Variants in GREB1L observed in about 807,000 individuals in gnomAD.
GREB1L encodes GREB1-like protein.
In GREB1L, 17 loss-of-function variants were observed where a neutral mutation model predicts 200.8. That is an observed-to-expected ratio of 0.08 (90% CI 0.06 to 0.13). GREB1L has a LOEUF of 0.13. Ranked by LOEUF, GREB1L falls within the 10% of genes least tolerant of loss-of-function variation. The pLI is 1.00. For synonymous variants in GREB1L, 789 were observed against 893.0 expected, an observed-to-expected ratio of 0.88 and a Z score of 2.08; for missense variants, 1,657 against 2,367.7, an observed-to-expected ratio of 0.70 and a Z score of 6.23.
chr18:21,384,125 T>C (rs1223380503), intron 3 of GREB1L, 81 bp from the exon 4 acceptor site: 2 of 1,004,414 alleles, frequency 2.0e-6, no homozygotes, highest in African/African-American at 3.3e-5. Context: ...ACCTTTTTTC[T>C]TCAATTATGT....
chr18:21,360,192 TAAAAC>T (rs913243391), intron 1 of GREB1L, among the ~76,000 whole-genome samples: 20 of 152,340 alleles, frequency 1.3e-4, no homozygotes, highest in Non-Finnish European at 1.6e-4. Context: ...TTTCTTAACT[TAAAAC>T]AAAGGGTTTT....
intron 1 of GREB1L, among the ~76,000 whole-genome samples, chr18:21,329,323 T>TAA (rs35862944): frequency 1.8e-4 from 17 of 92,308 alleles, no homozygotes; most frequent in Admixed American, 5.9e-4. Context: ...AGACTCTGTC[T>TAA]AAAAAAAAAA....
chr18:21,271,426 C>T (rs138626136), intron 1 of GREB1L, among the ~76,000 whole-genome samples: 27 of 151,828 alleles, frequency 1.8e-4, no homozygotes, highest in African/African-American at 6.3e-4. Flanking sequence ...GCAGGAGGAC[C>T]ACTTGAGGCC....
intron 9 of GREB1L, among the ~76,000 whole-genome samples, chr18:21,441,030 T>C (rs2033869778): frequency 1.3e-5 from 2 of 152,188 alleles, no homozygotes; most frequent in Non-Finnish European, 1.5e-5. Flanking sequence ...TAATGATGAG[T>C]TCATCCTTCT....
intron 1 of GREB1L, among the ~76,000 whole-genome samples, chr18:21,318,524 A>G (rs1007024466): frequency 3.3e-5 from 5 of 152,232 alleles, no homozygotes; most frequent in Non-Finnish European, 5.9e-5. Context: ...TCTATGGGTC[A>G]AAACCCAGTC....
chr18:21,498,656 G>T (rs773088477), intron 21 of GREB1L, among the ~76,000 whole-genome samples: 1 of 152,156 alleles, frequency 6.6e-6, no homozygotes, highest in Admixed American at 6.6e-5. Flanking sequence ...GTTTGCCCTT[G>T]GCTACTGTGT....
At chr18:21,459,707 A>G (rs2034951595) in intron 15 of GREB1L, among the ~76,000 whole-genome samples, 1 of 152,186 alleles carries the variant, frequency 6.6e-6, no homozygotes, top group Non-Finnish European at 1.5e-5. Flanking sequence ...GGTCTCACCA[A>G]CCTTATACTC....
chr18:21,430,756 C>T (rs573603494), intron 7 of GREB1L, among the ~76,000 whole-genome samples: 46 of 151,096 alleles, frequency 3.0e-4, no homozygotes, highest in African/African-American at 1.1e-3. Flanking sequence ...GCCACCACAC[C>T]TGGCTAATTT....
At chr18:21,440,409 G>C in intron 9 of GREB1L, 21 bp downstream of exon 9, 1 of 1,546,850 alleles carries the variant, frequency 6.5e-7, no homozygotes, top group South Asian at 1.2e-5. Context: ...AACAGAAGAT[G>C]GATTGTAAGT....
intron 7 of GREB1L, among the ~76,000 whole-genome samples, chr18:21,434,475 A>T (rs921176879): frequency 7.6e-5 from 11 of 144,298 alleles, no homozygotes; most frequent in Non-Finnish European, 1.3e-4. Context: ...GAATCCATCT[A>T]AAAAAAATAG....
In GREB1L at chr18:21,274,916, A is replaced by T. The variant is rs1036890188; in HGVS notation, c.-120+32523A>T. ...AAAATAATAATAATTAATTTAAAAA[A>T]TTTTAAAATACCACACTTGTAATAA... On this transcript the variant is annotated intron_variant, in intron 1 of 32. Transcript: ENST00000424526. 3.3e-5 allele frequency among the ~76,000 whole-genome samples: 5 copies of T among 151,726 alleles called. No homozygotes were observed. In the South Asian group the frequency reaches 6.2e-4, roughly 19 times the overall value.
intron 1 of GREB1L, among the ~76,000 whole-genome samples, chr18:21,249,365 C>A (rs1292442749): frequency 6.6e-6 from 1 of 152,152 alleles, no homozygotes; most frequent in Admixed American, 6.5e-5. Context: ...AAATCTCAGG[C>A]CCCATCCCGA....
chr18:21,318,119 A>C lies in GREB1L; in HGVS notation c.-119-47908A>C, dbSNP rs77811993. On this transcript the variant is annotated intron_variant, in intron 1 of 32. Transcript: ENST00000424526. ...TGAGATTCCGTCAAAAAAAAAAAAAAAAAAAACAAAGAGAGAAAGAACAGA... is the reference window on the plus strand; with the variant it reads ...TGAGATTCCGTCAAAAAAAAAAAAACAAAAAACAAAGAGAGAAAGAACAGA... Among the ~76,000 whole-genome samples, 10 of 151,042 alleles carry C rather than the reference A, an allele frequency of 6.6e-5. No homozygotes were observed. The East Asian group carries it at 1.5e-3, about 23-fold the overall frequency.
rs2038203035 is a variant in GREB1L, at chr18:21,278,253, G to A, written c.-120+35860G>A. ...AAATTAGCCAGGCGTGGTGGCAGGC[G>A]TCTGTAATCCCAGCTGCTTGGGAGG... On this transcript the variant is annotated intron_variant, in intron 1 of 32. Transcript: ENST00000424526. 3.3e-5 allele frequency among the ~76,000 whole-genome samples: 5 copies of A among 151,684 alleles called. No individual in the cohort carries two copies. In the South Asian group the frequency reaches 6.3e-4, roughly 19 times the overall value.
chr18:21,324,042 A>G (rs2144950550), intron 1 of GREB1L, among the ~76,000 whole-genome samples: 1 of 152,214 alleles, frequency 6.6e-6, no homozygotes, highest in Non-Finnish European at 1.5e-5. Flanking sequence ...TGGGAGGGGG[A>G]TGAGGGATGG....
chr18:21,312,384 T>A (rs560948596), intron 1 of GREB1L, among the ~76,000 whole-genome samples: 81 of 152,272 alleles, frequency 5.3e-4, no homozygotes, highest in African/African-American at 1.8e-3. Flanking sequence ...TGTTTTTAGC[T>A]GTTTCAGGAA....
chr18:21,469,881 A>G (rs1264693793), intron 15 of GREB1L, among the ~76,000 whole-genome samples: 1 of 152,176 alleles, frequency 6.6e-6, no homozygotes. Flanking sequence ...GAAATTCTTA[A>G]TTTCCAGTGA....
chr18:21,522,086 T>A (rs1351824173), intron 32 of GREB1L, among the ~76,000 whole-genome samples: 1 of 149,122 alleles, frequency 6.7e-6, no homozygotes, highest in Non-Finnish European at 1.5e-5. Flanking sequence ...TCAGAAACCC[T>A]AATCTAGGAG....
intron 7 of GREB1L, among the ~76,000 whole-genome samples, chr18:21,427,008 G>C (rs1598813899): frequency 6.8e-6 from 1 of 146,604 alleles, no homozygotes; most frequent in African/African-American, 2.5e-5. Flanking sequence ...AAACTGTTTT[G>C]GCTATTCTGG....
Sources: gnomAD v4.1 joint callset for allele counts (sites outside exome capture counted in the v4.1 genomes callset) on GRCh38, gnomAD v4.1.1 for gene constraint, MANE v1.5 for transcripts, NCBI Gene and HGNC (gene_info 2026-07-23, HGNC 2026-07-21) for gene names.